The following PPARG variants were observed in gnomAD, a reference collection of about 807,000 sequenced individuals.
PPARG encodes peroxisome proliferator-activated receptor gamma.
A neutral mutation model predicts 39.2 loss-of-function variants in PPARG; 17 were observed. The observed-to-expected ratio is 0.43, with a 90% CI of 0.30 to 0.65. The LOEUF is 0.65. Among genes scored for constraint, PPARG ranks in the 30% least tolerant of loss-of-function variants. The pLI is 0.13. For synonymous variants in PPARG, 223 were observed against 215.7 expected, an observed-to-expected ratio of 1.03 and a Z score of -0.30; for missense variants, 406 against 585.9, an observed-to-expected ratio of 0.69 and a Z score of 3.17.
At chr3:12,394,914 C>A (rs907142792) in intron 5 of PPARG, among the ~76,000 whole-genome samples, 3 of 152,174 alleles carry the variant, frequency 2.0e-5, no homozygotes, top group African/African-American at 7.2e-5. Flanking sequence ...AAAATCAGCA[C>A]CCAGCTGTTT....
Position 12,381,314 on chromosome 3 carries a change from A to G in PPARG, c.221-8A>G, listed in dbSNP as rs761770364. ...GATAATTATCCTCTCACATGTCTCC[A>G]TACACAGGTGCAATCAAAGTGGAGC... On this transcript the variant is annotated splice_polypyrimidine_tract_variant and splice_region_variant and intron_variant, in intron 3 of 7. Transcript: ENST00000651735. The G allele has an allele frequency of 3.1e-6, 5 of 1,612,528 alleles. No individual in the cohort carries two copies. The highest frequency in any genetic ancestry group is 2.2e-5 in the South Asian group (2 of 90,884).
intron 2 of PPARG, among the ~76,000 whole-genome samples, chr3:12,363,916 T>C (rs1345580282): frequency 6.6e-6 from 1 of 152,176 alleles, no homozygotes; most frequent in East Asian, 1.9e-4. Context: ...AGGGCAGTTT[T>C]AGTTTCAGAG....
At chr3:12,309,282 A>G (rs12639162) in intron 1 of PPARG, among the ~76,000 whole-genome samples, 38,301 of 152,100 alleles carry the variant, frequency 0.25, 4,938 homozygotes, top group East Asian at 0.33. Flanking sequence ...GTTGAATTTT[A>G]CTGAGTACTG....
intron 6 of PPARG, among the ~76,000 whole-genome samples, chr3:12,413,544 C>T (rs2050952880): frequency 6.6e-6 from 1 of 151,922 alleles, no homozygotes; most frequent in South Asian, 2.1e-4. Context: ...CATGGTGGCT[C>T]ATGCCTGTAA....
Position 12,434,284 on chromosome 3 carries a change from A to G in PPARG, c.*139A>G. 1 of 1,096,908 alleles carries G rather than the reference A, an allele frequency of 9.1e-7. No individual in the cohort carries two copies. Among genetic ancestry groups the G allele is most frequent in the Non-Finnish European group, 1.3e-6 (1 of 752,898 alleles). The allele number at this position is 1,096,908 out of a possible 1,614,324, so 67.9% of individuals were successfully genotyped here. On this transcript the variant is annotated 3_prime_UTR_variant, in exon 8 of 8. Coordinates refer to ENST00000651735, the MANE Select transcript of PPARG (RefSeq NM_138711.6). The surrounding 1 kb of genome is among the most constrained non-coding windows in gnomAD (Gnocchi z 4.2). ...TTAGAATATGATCTATTTTATGCAT[A>G]TTGTTTATAAAGACACATTTACAAT... is the stretch of plus-strand genomic sequence containing the variant.
upstream of PPARG, among the ~76,000 whole-genome samples, chr3:12,288,274 G>A (rs2046559171): frequency 6.6e-6 from 1 of 151,986 alleles, no homozygotes; most frequent in East Asian, 1.9e-4. Context: ...GGGTGACCGG[G>A]TGAAGGGGTC....
chr3:12,351,251 T>G lies in PPARG; in HGVS notation c.-8-28453T>G, dbSNP rs540721642. ...TCTGCTCTGATAATTCTAAATACAG[T>G]ACAGTTCACGCCCCTCACAAGACAC... On this transcript the variant is annotated intron_variant, in intron 2 of 7. Transcript: ENST00000651735. Among the ~76,000 whole-genome samples the G allele has an allele frequency of 3.7e-4, 57 of 152,334 alleles. No homozygotes were observed. The South Asian group carries it at 7.5e-3, about 20-fold the overall frequency.
intron 2 of PPARG, among the ~76,000 whole-genome samples, chr3:12,353,259 G>T (rs1481276229): frequency 1.3e-5 from 2 of 152,028 alleles, no homozygotes; most frequent in African/African-American, 4.8e-5. Flanking sequence ...ATTATATTTT[G>T]TACCAATAAT....
intron 5 of PPARG, among the ~76,000 whole-genome samples, 185 bp downstream of exon 5, chr3:12,392,937 T>A (rs923295784): frequency 1.3e-5 from 2 of 152,212 alleles, no homozygotes; most frequent in Non-Finnish European, 2.9e-5. Context: ...ATAGAACCTT[T>A]CTCTCTGTGG....
In PPARG at chr3:12,417,164, G is replaced by T; in HGVS notation, c.1180+10G>T. 1 of 1,612,628 alleles carries T rather than the reference G, an allele frequency of 6.2e-7. No individual in the cohort carries two copies. ...ATTATTCTCAGTGGAGGTAAGATTT[G>T]TCTTTTGATCTTCTATGAAAGAGGG... On this transcript the variant is annotated intron_variant, in intron 7 of 7. Transcript: ENST00000651735.
intron 2 of PPARG, among the ~76,000 whole-genome samples, chr3:12,330,485 GT>G (rs2047826894): frequency 6.6e-6 from 1 of 151,968 alleles, no homozygotes; most frequent in Non-Finnish European, 1.5e-5. Context: ...AAATTGGGTT[GT>G]TTGCCTTTTG....
At chr3:12,322,291 A>T (rs1277446178) in intron 2 of PPARG, among the ~76,000 whole-genome samples, 1 of 152,242 alleles carries the variant, frequency 6.6e-6, no homozygotes, top group African/African-American at 2.4e-5. Context: ...AGTTATTGGC[A>T]TTTAAATTTT....
At chr3:12,309,147 A>G (rs1201203118) in intron 1 of PPARG, among the ~76,000 whole-genome samples, 1 of 152,220 alleles carries the variant, frequency 6.6e-6, no homozygotes, top group Admixed American at 6.5e-5. Context: ...TATCTATAGA[A>G]TACATTTTGG....
chr3:12,352,446 G>A (rs1393082485), intron 2 of PPARG, among the ~76,000 whole-genome samples: 3 of 152,106 alleles, frequency 2.0e-5, no homozygotes, highest in Non-Finnish European at 4.4e-5. Context: ...CAAAATATAA[G>A]TTCTCCATTT....
chr3:12,287,932 A>AG (rs1430201504), upstream of PPARG: 2 of 144,286 alleles, frequency 1.4e-5, no homozygotes, highest in Non-Finnish European at 3.1e-5. Context: ...GCGCACTCGG[A>AG]GCCCGAGCCC....
chr3:12,377,004 G>A (rs549138172), intron 2 of PPARG, among the ~76,000 whole-genome samples: 7 of 152,152 alleles, frequency 4.6e-5, no homozygotes, highest in Admixed American at 1.3e-4. Context: ...AAATACCTAT[G>A]ACTGCTTTTT....
intron 2 of PPARG, among the ~76,000 whole-genome samples, chr3:12,341,594 T>C (rs950736861): frequency 8.5e-5 from 13 of 152,082 alleles, no homozygotes; most frequent in Non-Finnish European, 1.8e-4. Flanking sequence ...GATCACTTGA[T>C]CCCAGAAATT....
At chr3:12,325,227 C>T (rs1343355583) in intron 2 of PPARG, among the ~76,000 whole-genome samples, 1 of 152,088 alleles carries the variant, frequency 6.6e-6, no homozygotes, top group Admixed American at 6.5e-5. Context: ...TCAAGACCAG[C>T]CTGGCCAACA....
upstream of PPARG, chr3:12,288,001 C>G (rs1328200974): frequency 6.6e-6 from 1 of 150,892 alleles, no homozygotes; most frequent in African/African-American, 2.4e-5. Context: ...GAGAGGGGCG[C>G]CACGCCGCCG....
Sources: gnomAD v4.1 joint callset for allele counts (sites outside exome capture counted in the v4.1 genomes callset) on GRCh38, gnomAD v4.1.1 for gene constraint, Gnocchi (gnomAD v3.1) non-coding constraint, MANE v1.5 for transcripts, NCBI Gene and HGNC (gene_info 2026-07-23, HGNC 2026-07-21) for gene names.